The following DNAH3 variants were observed in gnomAD, a reference collection of about 807,000 sequenced individuals.
DNAH3 encodes dynein axonemal heavy chain 3.
In DNAH3, 332 loss-of-function variants were observed where a neutral mutation model predicts 432.5. The ratio of observed to expected loss-of-function variants is 0.77; its 90% CI spans 0.70 to 0.84. DNAH3 has a LOEUF of 0.84. Among genes scored for constraint, DNAH3 ranks in the 40% least tolerant of loss-of-function variants. The pLI is 0.00. For missense variants in DNAH3, 4,861 were observed against 5,114.0 expected, an observed-to-expected ratio of 0.95 and a Z score of 1.51; for synonymous variants, 1,956 against 1,900.2, an observed-to-expected ratio of 1.03 and a Z score of -0.76.
intron 40 of DNAH3, among the ~76,000 whole-genome samples, chr16:21,021,584 A>G (rs1181714476): frequency 6.6e-6 from 1 of 152,084 alleles, no homozygotes; most frequent in Non-Finnish European, 1.5e-5. Flanking sequence ...TTGTAATTCA[A>G]TGGGGGCCAA....
At chr16:20,946,449 C>G (rs2084047670) in intron 57 of DNAH3, among the ~76,000 whole-genome samples, 1 of 151,520 alleles carries the variant, frequency 6.6e-6, no homozygotes, top group Non-Finnish European at 1.5e-5. Flanking sequence ...GCCCTGACCA[C>G]CTGGGGCACA....
chr16:20,953,751 A>G (rs2084426463), intron 55 of DNAH3, among the ~76,000 whole-genome samples: 1 of 149,930 alleles, frequency 6.7e-6, no homozygotes, highest in South Asian at 2.1e-4. Flanking sequence ...TATTTATTTT[A>G]ATTTTTTTTT....
At position 21,051,892 on chromosome 16, in the gene DNAH3, C is replaced by G. The variant is rs369207435; in HGVS notation, c.4040-24G>C. On this transcript the variant is annotated intron_variant, in intron 28 of 61. Transcript: ENST00000261383. Reference sequence around the variant, plus strand: ...GGCTGTTGGGACACAGATGCAGAAACACGCACACAGAGCCATCAGAACTCT... The same window carrying G: ...GGCTGTTGGGACACAGATGCAGAAAGACGCACACAGAGCCATCAGAACTCT... 3.1e-6 allele frequency: 5 copies of G among 1,607,218 alleles called. No homozygotes were observed. In the African/African-American group the frequency reaches 6.7e-5, roughly 21 times the overall value.
chr16:21,076,261 G>A (rs1240984717), intron 20 of DNAH3, among the ~76,000 whole-genome samples: 2 of 152,130 alleles, frequency 1.3e-5, no homozygotes, highest in African/African-American at 4.8e-5. Flanking sequence ...GAAGAGATTA[G>A]GACACAGACA....
intron 52 of DNAH3, among the ~76,000 whole-genome samples, chr16:20,968,820 TGA>T (rs2085181251): frequency 1.3e-5 from 2 of 151,142 alleles, no homozygotes; most frequent in African/African-American, 4.9e-5. Flanking sequence ...TGTCTTCGTG[TGA>T]GTGTTTTTTT....
intron 54 of DNAH3, among the ~76,000 whole-genome samples, chr16:20,955,260 C>T (rs1293099257): frequency 6.6e-6 from 1 of 151,886 alleles, no homozygotes. Flanking sequence ...ACTACCAGAG[C>T]CAAAACTATG....
At chr16:21,150,932 G>A (rs1034927232) in intron 1 of DNAH3, 86 bp from the exon 1 acceptor site, 4 of 152,350 alleles carry the variant, frequency 2.6e-5, no homozygotes, top group African/African-American at 9.6e-5. Context: ...AGCTCTGTGA[G>A]CTGGTGTCTC....
At chr16:20,974,074 T>C (rs2085466200) in intron 51 of DNAH3, among the ~76,000 whole-genome samples, 1 of 152,054 alleles carries the variant, frequency 6.6e-6, no homozygotes, top group Non-Finnish European at 1.5e-5. Context: ...CAGGCTGGAG[T>C]GCAGTGGTGC....
intron 21 of DNAH3, among the ~76,000 whole-genome samples, chr16:21,071,598 G>A (rs1018212340): frequency 6.6e-6 from 1 of 151,938 alleles, no homozygotes; most frequent in African/African-American, 2.4e-5. Context: ...TGTTATTAAA[G>A]ATATTTAGGC....
At chr16:21,138,016 G>A (rs1339614820) in intron 5 of DNAH3, among the ~76,000 whole-genome samples, 2 of 152,054 alleles carry the variant, frequency 1.3e-5, no homozygotes, top group East Asian at 3.9e-4. Flanking sequence ...GGGAGGCCAA[G>A]GCGGGTGGAT....
chr16:20,969,176 G>A (rs1387648732), intron 52 of DNAH3, among the ~76,000 whole-genome samples: 1 of 150,546 alleles, frequency 6.6e-6, no homozygotes, highest in Non-Finnish European at 1.5e-5. Context: ...GTCCCTTTGG[G>A]TGTATATGCA....
At chr16:21,032,554 T>A (rs1249586017) in intron 36 of DNAH3, among the ~76,000 whole-genome samples, 3 of 152,136 alleles carry the variant, frequency 2.0e-5, no homozygotes, top group Non-Finnish European at 4.4e-5. Flanking sequence ...GGCTCATGCC[T>A]GTAATCTCAG....
chr16:20,974,591 T>G (rs1315292564), intron 51 of DNAH3, among the ~76,000 whole-genome samples: 1 of 136,572 alleles, frequency 7.3e-6, no homozygotes, highest in Non-Finnish European at 1.6e-5. Context: ...TTTTTTTTTT[T>G]TTTTTTTTTT....
At position 21,159,247 on chromosome 16, in the gene DNAH3, A is replaced by G. The variant is rs539978959; in HGVS notation, c.117+78T>C. On this transcript the variant is annotated intron_variant, in intron 1 of 61. Transcript: ENST00000261383. ...AGGGGGCTTCTTTACCCCCAAATTA[A>G]TAACTAAGTACTCGACTCCCCTCTG... is the stretch of plus-strand genomic sequence containing the variant. The G allele has an allele frequency of 1.3e-4, 169 of 1,280,264 alleles. No individual in the cohort carries two copies. In the East Asian group the frequency reaches 2.5e-3, roughly 19 times the overall value. The allele number at this position is 1,280,264 out of a possible 1,614,324, so 79.3% of individuals were successfully genotyped here.
At chr16:20,944,780 C>T in intron 57 of DNAH3, 117 bp from the exon 58 acceptor site, 2 of 642,636 alleles carry the variant, frequency 3.1e-6, no homozygotes, top group Non-Finnish European at 2.6e-6. Flanking sequence ...GCACAGGACA[C>T]ACACACACAC....
intron 29 of DNAH3, among the ~76,000 whole-genome samples, chr16:21,050,461 C>T (rs888968968): frequency 1.3e-5 from 2 of 152,018 alleles, no homozygotes; most frequent in African/African-American, 4.8e-5. Flanking sequence ...TCTTTTGAGA[C>T]AGGTTCTCAC....
Position 21,144,454 on chromosome 16 carries a change from CAT to C in DNAH3, c.448+725_448+726del, listed in dbSNP as rs2092756916. Among the ~76,000 whole-genome samples the C allele has an allele frequency of 4.6e-5, 7 of 152,264 alleles. No homozygotes were observed. The South Asian group carries it at 1.4e-3, about 32-fold the overall frequency. On this transcript the variant is annotated intron_variant, in intron 3 of 61. Transcript: ENST00000261383. ...CCAACAGCCAGCAAGGACCTGATGACATGAGTGAGCCTGGAAGAGGATCCTTC... is the reference window on the plus strand; with the variant it reads ...CCAACAGCCAGCAAGGACCTGATGACGAGTGAGCCTGGAAGAGGATCCTTC...
intron 55 of DNAH3, 72 bp downstream of exon 55, chr16:20,954,741 C>T: frequency 3.9e-6 from 6 of 1,530,176 alleles, no homozygotes; most frequent in Non-Finnish European, 4.4e-6. Context: ...CTTAAACACG[C>T]ACCTGGAAAC....
intron 26 of DNAH3, among the ~76,000 whole-genome samples, chr16:21,059,203 C>A (rs550671534): frequency 2.0e-5 from 3 of 152,150 alleles, no homozygotes; most frequent in Non-Finnish European, 4.4e-5. Flanking sequence ...GGAATGTGGC[C>A]TGCAGAGTTG....
Sources: allele counts gnomAD v4.1 joint callset (sites outside exome capture counted in the v4.1 genomes callset), GRCh38; gene constraint gnomAD v4.1.1; transcripts MANE v1.5; gene names NCBI Gene and HGNC (gene_info 2026-07-23, HGNC 2026-07-21).